The following CALB1 variants were observed in gnomAD, a reference collection of about 807,000 sequenced individuals.
CALB1 encodes the protein calbindin.
A neutral mutation model predicts 46.7 loss-of-function variants in CALB1; 16 were observed. The observed-to-expected ratio is 0.34, with a 90% CI of 0.23 to 0.52. The LOEUF is 0.52. Among genes scored for constraint, CALB1 ranks in the 20% least tolerant of loss-of-function variants. CALB1 has a pLI of 0.95. For missense variants in CALB1, 224 were observed against 300.3 expected (o/e 0.75, Z 1.88); for synonymous variants, 90 against 112.8 (o/e 0.80, Z 1.28).
At chr8:90,070,038 C>T (rs1169359907) in intron 3 of CALB1, among the ~76,000 whole-genome samples, 1 of 149,884 alleles carries the variant, frequency 6.7e-6, no homozygotes, top group Non-Finnish European at 1.5e-5. Context: ...CTATTGCGTA[C>T]AGAGAAGGAA....
Position 90,082,070 on chromosome 8 carries a change from T to A in CALB1, c.112A>T (p.Asn38Tyr). 6.2e-7 allele frequency: 1 copy of A among 1,614,130 alleles called. No individual in the cohort carries two copies. The highest frequency in any genetic ancestry group is 1.6e-4 in the Middle Eastern group (1 of 6,062). Reference protein sequence around the residue: ...SGYLEGKELQNLIQELQQARK... With the variant: ...SGYLEGKELQYLIQELQQARK... ...GCCTGCTGGAGCTCCTGGATCAAGT[T>A]CTGCAGCTCCTTTCCTTCCAGGTAA... Residue 38 changes from asparagine (N) to tyrosine (Y), a missense_variant, in exon 2 of 11, where the codon AAC (asparagine) becomes TAC (tyrosine). Coordinates refer to ENST00000265431, the MANE Select transcript of CALB1 (RefSeq NM_004929.4).
At chr8:90,082,159 G>C (rs1586186913) in intron 1 of CALB1, 57 bp from the exon 2 acceptor site, 10 of 1,446,120 alleles carry the variant, frequency 6.9e-6, no homozygotes, top group Non-Finnish European at 9.7e-6. Context: ...TGTCTTTCCC[G>C]TTCACTTTCC....
intron 3 of CALB1, among the ~76,000 whole-genome samples, chr8:90,073,736 T>TTAAA (rs1814573030): frequency 6.6e-6 from 1 of 152,182 alleles, no homozygotes; most frequent in Non-Finnish European, 1.5e-5. Context: ...TGTGGCTCAT[T>TTAAA]TGGCTACTAA....
chr8:90,068,413 G>T (rs191159260), intron 5 of CALB1, among the ~76,000 whole-genome samples: 65 of 152,148 alleles, frequency 4.3e-4, no homozygotes, highest in Middle Eastern at 3.4e-3. Flanking sequence ...TATCATCATT[G>T]CTGAGAGTCA....
intron 5 of CALB1, among the ~76,000 whole-genome samples, chr8:90,066,463 T>G (rs976569150): frequency 6.6e-6 from 1 of 152,122 alleles, no homozygotes. Context: ...TATTTACACA[T>G]TAGTTTATAG....
At chr8:90,063,569 G>A in intron 6 of CALB1, 108 bp from the exon 7 acceptor site, 1 of 875,112 alleles carries the variant, frequency 1.1e-6, no homozygotes, top group East Asian at 2.6e-5. Context: ...TTGTATATAT[G>A]CAGTAAAATT....
In CALB1 at chr8:90,060,390, A is replaced by T; in HGVS notation, c.673-104T>A. Reference sequence around the variant, plus strand: ...ATGAAACTACTTGTTACATCAATCCATTAACAAAAGAGCTGGATTAAATTC... The same window carrying T: ...ATGAAACTACTTGTTACATCAATCCTTTAACAAAAGAGCTGGATTAAATTC... On this transcript the variant is annotated intron_variant, in intron 10 of 10. Coordinates refer to ENST00000265431, the MANE Select transcript of CALB1 (RefSeq NM_004929.4). 5.1e-6 allele frequency: 4 copies of T among 778,490 alleles called. No individual in the cohort carries two copies. In the South Asian group the frequency reaches 5.9e-5, roughly 12 times the overall value. The allele number at this position is 778,490 out of a possible 1,614,324, so 48.2% of individuals were successfully genotyped here.
chr8:90,067,501 T>G (rs1282687977), intron 5 of CALB1, among the ~76,000 whole-genome samples: 7 of 152,172 alleles, frequency 4.6e-5, no homozygotes, highest in Admixed American at 4.6e-4. Flanking sequence ...AACTGTCACC[T>G]TGTGGATTGC....
chr8:90,082,791 A>G lies in CALB1; in HGVS notation c.-94T>C. 8.3e-7 allele frequency: 1 copy of G among 1,205,322 alleles called. No individual in the cohort carries two copies. The highest frequency in any genetic ancestry group is 1.2e-6 in the Non-Finnish European group (1 of 810,714). The allele number at this position is 1,205,322 out of a possible 1,614,324, so 74.7% of individuals were successfully genotyped here. A position where few individuals can be genotyped will look rare whatever the true frequency, so the allele number is the denominator to read the frequency against. On this transcript the variant is annotated 5_prime_UTR_variant, in exon 1 of 11. Transcript: ENST00000265431. ...CAAAAGCTCAGCGTGTGCGCGAGTC[A>G]GGGCTGCGGAGGGAGACCTGGGCGC...
chr8:90,067,201 T>C (rs1814416409), intron 5 of CALB1, among the ~76,000 whole-genome samples: 1 of 152,060 alleles, frequency 6.6e-6, no homozygotes, highest in African/African-American at 2.4e-5. Flanking sequence ...GACGCAGAGA[T>C]TCAAAGTCGT....
chr8:90,070,276 A>G (rs1266790487), intron 3 of CALB1, among the ~76,000 whole-genome samples: 1 of 152,100 alleles, frequency 6.6e-6, no homozygotes. Flanking sequence ...CACACACTAT[A>G]TTTCATCTAA....
At chr8:90,074,020 T>C (rs1191729640) in intron 3 of CALB1, among the ~76,000 whole-genome samples, 1 of 152,158 alleles carries the variant, frequency 6.6e-6, no homozygotes, top group Non-Finnish European at 1.5e-5. Flanking sequence ...GCATTCATTT[T>C]TTTTTTTCAC....
At chr8:90,071,535 G>T (rs1448359616) in intron 3 of CALB1, among the ~76,000 whole-genome samples, 3 of 152,102 alleles carry the variant, frequency 2.0e-5, no homozygotes, top group Non-Finnish European at 4.4e-5. Context: ...TACTTTCCTG[G>T]AGGGATTCTG....
At position 90,063,105 on chromosome 8, in the gene CALB1, C is replaced by T. The variant is rs867689148; in HGVS notation, c.595G>A (p.Asp199Asn). The T allele has an allele frequency of 6.2e-7, 1 of 1,605,158 alleles. No individual in the cohort carries two copies. The highest frequency in any genetic ancestry group is 1.3e-5 in the African/African-American group (1 of 74,772). ...KEFNKAFELY[D>N]QDGNGYIDEN... is the part of the protein sequence containing the mutation. Reference sequence around the variant, plus strand: ...AAAAAGTAACAAACTTTTACCTGATCATACAGCTCAAAAGCCTTATTGAAC... The same window carrying T: ...AAAAAGTAACAAACTTTTACCTGATTATACAGCTCAAAAGCCTTATTGAAC... The change falls in exon 9 of 11, where the codon GAT becomes AAT. Residue 199 changes from aspartate (D) to asparagine (N), a missense_variant. Asp to Asn is a conservative substitution (Grantham distance 23). Coordinates refer to ENST00000265431, the MANE Select transcript of CALB1 (RefSeq NM_004929.4).
intron 9 of CALB1, chr8:90,062,550 A>G (rs1282395997): frequency 6.6e-6 from 1 of 152,092 alleles, no homozygotes; most frequent in Non-Finnish European, 1.5e-5. Flanking sequence ...ACTTATCCAA[A>G]GAAGGTATAT....
chr8:90,065,731 A>T (rs1362581884), intron 6 of CALB1, among the ~76,000 whole-genome samples, 167 bp downstream of exon 6: 8 of 151,880 alleles, frequency 5.3e-5, no homozygotes, highest in Non-Finnish European at 1.2e-4. Flanking sequence ...AAATGACAAG[A>T]TGTAAGCATC....
intron 6 of CALB1, among the ~76,000 whole-genome samples, chr8:90,064,996 C>T (rs574107233): frequency 6.6e-6 from 1 of 151,900 alleles, no homozygotes; most frequent in South Asian, 2.1e-4. Context: ...AGTCTAACTC[C>T]TTCTTCAATC....
intron 3 of CALB1, among the ~76,000 whole-genome samples, chr8:90,075,024 T>C (rs1586183520): frequency 6.6e-6 from 1 of 152,212 alleles, no homozygotes; most frequent in African/African-American, 2.4e-5. Flanking sequence ...ATCACATTAT[T>C]TGTTAAATTA....
intron 1 of CALB1, chr8:90,082,406 T>C: frequency 1.6e-6 from 1 of 612,362 alleles, no homozygotes; most frequent in South Asian, 2.0e-5. Flanking sequence ...GACAAAAGTT[T>C]AAGGTTTTGG....
Sources: allele counts gnomAD v4.1 joint callset (sites outside exome capture counted in the v4.1 genomes callset), GRCh38; gene constraint gnomAD v4.1.1; transcripts MANE v1.5; gene names NCBI Gene and HGNC (gene_info 2026-07-23, HGNC 2026-07-21).